RAPGEF2: variants seen among roughly 807,000 people sequenced by gnomAD.
RAPGEF2 encodes Rap guanine nucleotide exchange factor 2, also known as PDZ domain containing guanine nucleotide exchange factor (GEF) 1.
RAPGEF2 carries 54 observed loss-of-function variants against 186.7 expected under a neutral mutation model. The observed-to-expected ratio is 0.29, with a 90% confidence interval of 0.23 to 0.36. The LOEUF (loss-of-function observed/expected upper bound fraction) is 0.36. Among genes scored for constraint, RAPGEF2 ranks in the 10% least tolerant of loss-of-function variants. The pLI, the probability that RAPGEF2 is intolerant of heterozygous loss-of-function variation, is 1.00. For synonymous variants in RAPGEF2, 712 were observed against 705.9 expected, an observed-to-expected ratio of 1.01 and a Z score of -0.14; for missense variants, 1,532 against 2,045.0, an observed-to-expected ratio of 0.75 and a Z score of 4.84.
chr4:159,123,013 AT>A (rs1291817230), intron 1 of RAPGEF2, among the ~76,000 whole-genome samples: 1 of 145,692 alleles, frequency 6.9e-6, no homozygotes, highest in Non-Finnish European at 1.5e-5. Flanking sequence ...AGTACTGTAA[AT>A]GTATTTTCTC....
intron 7 of RAPGEF2, among the ~76,000 whole-genome samples, chr4:159,264,425 A>G (rs1757206313): frequency 6.6e-6 from 1 of 152,194 alleles, no homozygotes; most frequent in South Asian, 2.1e-4. Context: ...ACCTACATAT[A>G]TAAAGTCAGA....
chr4:159,278,244 T>G (rs1456603803), intron 7 of RAPGEF2, among the ~76,000 whole-genome samples: 1 of 152,146 alleles, frequency 6.6e-6, no homozygotes, highest in Non-Finnish European at 1.5e-5. Flanking sequence ...TGTCAAAGAT[T>G]AGATGGTTGT....
chr4:159,271,296 G>A (rs767033472), intron 7 of RAPGEF2, among the ~76,000 whole-genome samples: 1 of 152,032 alleles, frequency 6.6e-6, no homozygotes, highest in African/African-American at 2.4e-5. Context: ...CTGATAACAT[G>A]GTTTTAAATT....
intron 8 of RAPGEF2, among the ~76,000 whole-genome samples, chr4:159,311,419 T>A (rs553213489): frequency 6.6e-6 from 1 of 152,278 alleles, no homozygotes; most frequent in East Asian, 1.9e-4. Flanking sequence ...CGTTCATTGC[T>A]GCTATGGGGA....
At chr4:159,134,299 T>C (rs914962426) in intron 1 of RAPGEF2, among the ~76,000 whole-genome samples, 1 of 152,244 alleles carries the variant, frequency 6.6e-6, no homozygotes, top group East Asian at 1.9e-4. Flanking sequence ...AGCCATAGTG[T>C]TGTATGTATC....
chr4:159,268,656 A>G (rs913778826), intron 7 of RAPGEF2, among the ~76,000 whole-genome samples: 2 of 152,172 alleles, frequency 1.3e-5, no homozygotes, highest in Non-Finnish European at 2.9e-5. Flanking sequence ...TGATTTGGTA[A>G]TAAAGCGATC....
intron 7 of RAPGEF2, among the ~76,000 whole-genome samples, chr4:159,270,377 A>C (rs936017937): frequency 3.3e-5 from 5 of 152,202 alleles, no homozygotes; most frequent in African/African-American, 1.2e-4. Flanking sequence ...CTTTCATCCT[A>C]TGAGGCTTTA....
chr4:159,343,296 T>C lies in RAPGEF2; in HGVS notation c.3146T>C (p.Val1049Ala), dbSNP rs1273338482. 2.5e-6 allele frequency: 4 copies of C among 1,614,054 alleles called. No homozygotes were observed. Among genetic ancestry groups the C allele is most frequent in the Non-Finnish European group, 3.4e-6 (4 of 1,179,938 alleles). ...TCAATTTCAGGAAATGACTCAAAAG[T>C]AGACGGGCTGGTCAATTTTGAGAAG... ...TFLHEGNDSKVDGLVNFEKLR... is the reference protein window; with the variant it reads ...TFLHEGNDSKADGLVNFEKLR... The change falls in exon 22 of 30, where the codon GTA (valine) becomes GCA (alanine). Residue 1049 changes from valine to alanine, a missense_variant. Val to Ala is a moderately conservative substitution (Grantham distance 64). Coordinates refer to ENST00000691494, the MANE Select transcript of RAPGEF2 (RefSeq NM_001394067.2).
intron 2 of RAPGEF2, among the ~76,000 whole-genome samples, 200 bp downstream of exon 2, chr4:159,186,912 C>G (rs918790461): frequency 2.0e-4 from 31 of 152,078 alleles, no homozygotes; most frequent in African/African-American, 6.8e-4. Flanking sequence ...TCACTTCAAA[C>G]GTTTATCATT....
intron 4 of RAPGEF2, among the ~76,000 whole-genome samples, chr4:159,217,519 G>C (rs2111392029): frequency 6.6e-6 from 1 of 152,302 alleles, no homozygotes; most frequent in East Asian, 1.9e-4. Flanking sequence ...AGCATTCCAT[G>C]GTGTATATGT....
chr4:159,309,331 T>C (rs779279423), intron 8 of RAPGEF2, among the ~76,000 whole-genome samples: 2 of 152,192 alleles, frequency 1.3e-5, no homozygotes, highest in Admixed American at 6.5e-5. Flanking sequence ...GAACCAATTA[T>C]TAATTTTTAT....
intron 7 of RAPGEF2, among the ~76,000 whole-genome samples, chr4:159,270,737 A>G (rs1292494207): frequency 6.6e-6 from 1 of 152,208 alleles, no homozygotes; most frequent in Non-Finnish European, 1.5e-5. Flanking sequence ...TTGGATTAAT[A>G]AAGTCTCAAC....
At chr4:159,340,816 T>C (rs1296115094) in intron 19 of RAPGEF2, among the ~76,000 whole-genome samples, 3 of 146,758 alleles carry the variant, frequency 2.0e-5, no homozygotes, top group Non-Finnish European at 3.0e-5. Flanking sequence ...CACACACACG[T>C]GTGCGTGCAA....
intron 1 of RAPGEF2, among the ~76,000 whole-genome samples, chr4:159,115,512 A>T (rs1052085118): frequency 6.6e-6 from 1 of 151,838 alleles, no homozygotes; most frequent in African/African-American, 2.4e-5. Context: ...CCATGTATTC[A>T]TATAGAAACT....
chr4:159,305,882 C>T (rs1202271400), intron 8 of RAPGEF2, among the ~76,000 whole-genome samples: 1 of 151,712 alleles, frequency 6.6e-6, no homozygotes, highest in Non-Finnish European at 1.5e-5. Flanking sequence ...ATATGGTAAT[C>T]CAATTTTCCC....
chr4:159,292,334 A>G (rs1267449513), intron 7 of RAPGEF2, among the ~76,000 whole-genome samples: 1 of 152,192 alleles, frequency 6.6e-6, no homozygotes, highest in African/African-American at 2.4e-5. Context: ...TGTTGCTGAA[A>G]TGCCTGCTAC....
At chr4:159,144,947 G>T (rs78210562) in intron 1 of RAPGEF2, among the ~76,000 whole-genome samples, 2,838 of 131,298 alleles carry the variant, frequency 0.022, 105 homozygotes, top group South Asian at 0.11. Context: ...GAGTGAAGAG[G>T]TATGATCATG....
chr4:159,156,788 G>T (rs1044457481), intron 1 of RAPGEF2, among the ~76,000 whole-genome samples: 1 of 152,124 alleles, frequency 6.6e-6, no homozygotes, highest in East Asian at 1.9e-4. Context: ...CTCGATATCT[G>T]CAGGTGCAGC....
intron 1 of RAPGEF2, among the ~76,000 whole-genome samples, chr4:159,113,609 G>A (rs571924566): frequency 6.6e-6 from 1 of 152,044 alleles, no homozygotes; most frequent in Admixed American, 6.5e-5. Flanking sequence ...AGGAGTGGTG[G>A]CGCATGCTTG....
Sources: allele counts gnomAD v4.1 joint callset (sites outside exome capture counted in the v4.1 genomes callset), GRCh38; gene constraint gnomAD v4.1.1; transcripts MANE v1.5; gene names NCBI Gene and HGNC (gene_info 2026-07-23, HGNC 2026-07-21).